Variants in STAMBP observed in about 807,000 individuals in gnomAD.
STAMBP encodes the protein STAM binding protein, also known as STAM-binding protein.
STAMBP carries 31 observed loss-of-function variants against 50.7 expected under a neutral mutation model. The ratio of observed to expected loss-of-function variants is 0.61; its 90% CI spans 0.46 to 0.83. The LOEUF is 0.83. Ranked by LOEUF, STAMBP falls within the 40% of genes least tolerant of loss-of-function variation. The probability of loss-of-function intolerance (pLI) is 0.00; values close to 1 mark genes in which losing one functional copy is unlikely to be tolerated. For missense variants in STAMBP, 472 were observed against 518.9 expected (o/e 0.91, Z 0.88); for synonymous variants, 211 against 192.4 (o/e 1.10, Z -0.80).
chr2:73,843,520 C>T (rs1036978397), intron 2 of STAMBP, among the ~76,000 whole-genome samples: 3 of 151,650 alleles, frequency 2.0e-5, no homozygotes, highest in African/African-American at 4.8e-5. Context: ...CTTCCTGCCT[C>T]GGTCTCCCAA....
At chr2:73,845,444 T>C (rs1370493021) in intron 4 of STAMBP, among the ~76,000 whole-genome samples, 182 bp downstream of exon 4, 1 of 152,142 alleles carries the variant, frequency 6.6e-6, no homozygotes, top group Non-Finnish European at 1.5e-5. Flanking sequence ...AACACAGATA[T>C]AGCCTATTTG....
intron 7 of STAMBP, among the ~76,000 whole-genome samples, chr2:73,852,766 C>T (rs984067200): frequency 2.6e-5 from 4 of 151,990 alleles, no homozygotes; most frequent in Non-Finnish European, 5.9e-5. Flanking sequence ...CAACCTCCGC[C>T]TCCCAGGTTC....
chr2:73,859,106 C>T, intron 7 of STAMBP, 148 bp from the exon 8 acceptor site: 1 of 611,194 alleles, frequency 1.6e-6, no homozygotes, highest in South Asian at 2.2e-5. Context: ...TGAAGATGAT[C>T]TCTCTTTCTC....
rs147555512 is a variant in STAMBP at position 73,852,763 on chromosome 2, C to T, written c.1005+2250C>T. On this transcript the variant is annotated intron_variant, in intron 7 of 9. Coordinates refer to ENST00000394070, the MANE Select transcript of STAMBP (RefSeq NM_213622.4). ...GGCGCAATCTTGGCTCTGCAACCTC[C>T]GCCTCCCAGGTTCAAGTGATTCTCC... Among the ~76,000 whole-genome samples the T allele has an allele frequency of 8.7e-3, 1,315 of 151,890 alleles. 19 individuals carry two copies. The highest frequency in any genetic ancestry group is 0.029 in the African/African-American group (1,207 of 41,410).
rs1353865756 is a variant in STAMBP, at chr2:73,859,195, TAAG to T, written c.1006-58_1006-56del. On this transcript the variant is annotated intron_variant, in intron 7 of 9. Transcript: ENST00000394070. The stretch of plus-strand genomic sequence containing the variant: ...TAAACCTCAGAAAGGGAATCGCAAA[TAAG>T]GAGGGATTACCATATATCCTCGCTA... 1.9e-5 allele frequency: 27 copies of T among 1,386,590 alleles called. No homozygotes were observed. The African/African-American group carries it at 3.0e-4, about 15-fold the overall frequency. The allele number at this position is 1,386,590 out of a possible 1,614,324, so 85.9% of individuals were successfully genotyped here.
intron 4 of STAMBP, 61 bp from the exon 5 acceptor site, chr2:73,847,326 T>A: frequency 6.6e-7 from 1 of 1,525,180 alleles, no homozygotes; most frequent in Admixed American, 2.2e-5. Context: ...AAAGCCTTGT[T>A]CTCCTGAAGT....
At chr2:73,860,025 T>A in intron 8 of STAMBP, 27 bp from the exon 9 acceptor site, 3 of 1,578,440 alleles carry the variant, frequency 1.9e-6, no homozygotes, top group Non-Finnish European at 2.6e-6. Context: ...TTTGCTTGAC[T>A]CTTAGCCTGC....
At position 73,847,587 on chromosome 2, in the gene STAMBP, A is replaced by G; in HGVS notation, c.576A>G (p.Leu192=). The part of the protein sequence containing the change: ...VQEFGKVDPG[L]GGPLVPDLEK... Reference sequence around the variant, plus strand: ...AGTTTGGGAAGGTAGACCCTGGCCTAGGTGGCCCGCTAGTGCCTGACTTGG... The same window carrying G: ...AGTTTGGGAAGGTAGACCCTGGCCTGGGTGGCCCGCTAGTGCCTGACTTGG... Residue 192 remains leucine, a synonymous_variant, in exon 5 of 10, where the codon CTA becomes CTG. Transcript: ENST00000394070. The G allele has an allele frequency of 1.9e-6, 3 of 1,614,206 alleles. No homozygotes were observed. Among genetic ancestry groups the G allele is most frequent in the African/African-American group, 1.3e-5 (1 of 75,070 alleles).
chr2:73,839,201 A>G (rs767690699), intron 2 of STAMBP, among the ~76,000 whole-genome samples: 1 of 152,210 alleles, frequency 6.6e-6, no homozygotes, highest in African/African-American at 2.4e-5. Context: ...GATCTCAGGC[A>G]TATTTCCCCC....
chr2:73,866,777 G>A lies in STAMBP; in HGVS notation c.*4518G>A, dbSNP rs1449510482. On this transcript the variant is annotated 3_prime_UTR_variant, in exon 10 of 10. Coordinates refer to ENST00000394070, the MANE Select transcript of STAMBP (RefSeq NM_213622.4). ...AAAGAGGGAGCTGGAAGTAGGAGGAGACAAGGAGATAGTGACACCAGTATC... is the reference window on the plus strand; with the variant it reads ...AAAGAGGGAGCTGGAAGTAGGAGGAAACAAGGAGATAGTGACACCAGTATC... 6.6e-6 allele frequency: 1 copy of A among 152,326 alleles called. No homozygotes were observed. The highest frequency in any genetic ancestry group is 6.5e-5 in the Admixed American group (1 of 15,278). 9.4% of individuals were successfully genotyped at this position (152,326 alleles called of 1,614,324 possible).
chr2:73,858,287 C>T (rs536297557), intron 7 of STAMBP, among the ~76,000 whole-genome samples: 218 of 150,522 alleles, frequency 1.4e-3, no homozygotes, highest in African/African-American at 4.7e-3. Flanking sequence ...TACAGGTGCC[C>T]GCCACCACGC....
chr2:73,840,803 A>T (rs2104390320), intron 2 of STAMBP, among the ~76,000 whole-genome samples: 2 of 152,046 alleles, frequency 1.3e-5, no homozygotes, highest in Non-Finnish European at 2.9e-5. Flanking sequence ...AAAATAAAGG[A>T]TATACACGTT....
At chr2:73,843,709 G>A (rs1424337218) in intron 2 of STAMBP, among the ~76,000 whole-genome samples, 1 of 152,118 alleles carries the variant, frequency 6.6e-6, no homozygotes, top group Admixed American at 6.5e-5. Context: ...TGAAGGATGA[G>A]GACTTATCTT....
chr2:73,868,281 G>C (rs778184213), downstream of STAMBP, among the ~76,000 whole-genome samples: 22 of 151,982 alleles, frequency 1.4e-4, no homozygotes, highest in Non-Finnish European at 2.6e-4. Context: ...CATCAATCTA[G>C]TAAAGGAATA....
In STAMBP at chr2:73,862,052, G is replaced by A. The variant is rs994592023; in HGVS notation, c.1219-151G>A. The A allele has an allele frequency of 9.1e-6, 4 of 438,708 alleles. No individual in the cohort carries two copies. In the Admixed American group the frequency reaches 1.3e-4, roughly 14 times the overall value. 27.2% of individuals were successfully genotyped at this position (438,708 alleles called of 1,614,324 possible). On this transcript the variant is annotated intron_variant, in intron 9 of 9. Coordinates refer to ENST00000394070, the MANE Select transcript of STAMBP (RefSeq NM_213622.4). ...CTGGGAAAGCTAAGGCAGAAGAATC[G>A]CTTGAACCCAGGAGGCGGGGGTTGC...
At chr2:73,837,584 CAAAAAAAAAAAAAAAA>C (rs56397494) in intron 2 of STAMBP, among the ~76,000 whole-genome samples, 1 of 40,884 alleles carries the variant, frequency 2.4e-5, no homozygotes, top group Admixed American at 3.6e-4. Context: ...GACTCCATCT[CAAAAAAAAAAAAAAAA>C]AAAAAAAAAA....
Position 73,830,940 on chromosome 2 carries a change from T to A in STAMBP, c.84T>A (p.Asn28Lys). The A allele has an allele frequency of 6.2e-7, 1 of 1,614,170 alleles. No homozygotes were observed. Among genetic ancestry groups the A allele is most frequent in the Non-Finnish European group, 8.5e-7 (1 of 1,180,042 alleles). ...LSQLGSAVEV[N>K]EDIPPRRYFR... is the part of the protein sequence containing the mutation. Reference sequence around the variant, plus strand: ...AGCTGGGTAGTGCGGTAGAGGTGAATGAAGACATTCCACCCCGTCGGTACT... The same window carrying A: ...AGCTGGGTAGTGCGGTAGAGGTGAAAGAAGACATTCCACCCCGTCGGTACT... The change falls in exon 2 of 10, where the codon AAT becomes AAA. Residue 28 changes from asparagine (N) to lysine (K), a missense_variant. By Grantham distance (94) the Asn-to-Lys change is moderately conservative. Transcript: ENST00000394070.
chr2:73,835,190 C>T (rs931628894), intron 2 of STAMBP, among the ~76,000 whole-genome samples: 3 of 152,038 alleles, frequency 2.0e-5, no homozygotes, highest in Admixed American at 2.0e-4. Context: ...CCCATCTCTA[C>T]TAAAAATACA....
At chr2:73,834,264 T>A (rs867212415) in intron 2 of STAMBP, among the ~76,000 whole-genome samples, 2,821 of 76,222 alleles carry the variant, frequency 0.037, 499 homozygotes, top group East Asian at 0.077. Context: ...TATATATATA[T>A]ATATATATAT....
Sources: allele counts gnomAD v4.1 joint callset (sites outside exome capture counted in the v4.1 genomes callset), GRCh38; gene constraint gnomAD v4.1.1; transcripts MANE v1.5; gene names NCBI Gene and HGNC (gene_info 2026-07-23, HGNC 2026-07-21).